Variants in RAB33B observed in about 807,000 individuals in gnomAD.
RAB33B encodes the protein ras-related protein Rab-33B.
Under a neutral mutation model 15.0 loss-of-function variants are expected in RAB33B, and 6 were observed. The ratio of observed to expected loss-of-function variants is 0.40; its 90% CI spans 0.22 to 0.79. RAB33B has a LOEUF of 0.79. Among genes scored for constraint, RAB33B ranks in the 30% least tolerant of loss-of-function variants. RAB33B has a pLI of 0.37. For synonymous variants in RAB33B, 117 were observed against 108.3 expected (o/e 1.08, Z -0.50); for missense variants, 257 against 296.4 (o/e 0.87, Z 0.98).
intron 1 of RAB33B, among the ~76,000 whole-genome samples, chr4:139,461,498 G>C (rs1750170161): frequency 6.6e-6 from 1 of 152,114 alleles, no homozygotes; most frequent in South Asian, 2.1e-4. Flanking sequence ...TTAAATAAGG[G>C]CATGTAAAGG....
At chr4:139,460,115 G>A (rs1219596546) in intron 1 of RAB33B, among the ~76,000 whole-genome samples, 2 of 152,202 alleles carry the variant, frequency 1.3e-5, no homozygotes, top group East Asian at 3.8e-4. Flanking sequence ...TGTTGGTGAT[G>A]AGAAAGAAGA....
chr4:139,449,738 A>C (rs970981550), upstream of RAB33B: 8 of 150,784 alleles, frequency 5.3e-5, no homozygotes, highest in African/African-American at 1.7e-4. Context: ...ATGTGAGTTA[A>C]TACTACTTAA....
At chr4:139,438,596 C>CTT in the RAB33B span, among the ~76,000 whole-genome samples, 5 of 148,782 alleles carry the variant, frequency 3.4e-5, no homozygotes, top group African/African-American at 1.2e-4. Flanking sequence ...AATCATCTGC[C>CTT]TTTTTTTTTT....
rs1561008517 is a variant in RAB33B, at chr4:139,473,068, CT to C, written c.633del (p.Asp212IlefsTer6). 2.5e-6 allele frequency: 4 copies of C among 1,613,924 alleles called. No individual in the cohort carries two copies. The highest frequency in any genetic ancestry group is 3.3e-5 in the Admixed American group (2 of 60,002). On this transcript the variant is annotated frameshift_variant, in exon 2 of 2. Transcript: ENST00000305626. LOFTEE classifies it high-confidence loss of function. ...SHKPLMLSQP[P>X]DNGIILKPEP... ...AAACCATTAATGCTTAGTCAGCCCC[CT>C]GATAATGGAATTATCCTGAAGCCTG...
At chr4:139,471,789 G>A (rs759650613) in intron 1 of RAB33B, among the ~76,000 whole-genome samples, 15 of 151,928 alleles carry the variant, frequency 9.9e-5, no homozygotes, top group Non-Finnish European at 2.1e-4. Flanking sequence ...TTTACTTTAG[G>A]TATCGTATCT....
chr4:139,446,115 A>T, the RAB33B span, among the ~76,000 whole-genome samples: 1 of 152,210 alleles, frequency 6.6e-6, no homozygotes, highest in African/African-American at 2.4e-5. Context: ...AGGCTCGAGC[A>T]GGTCCTGAAG....
At chr4:139,470,568 C>A (rs1750369611) in intron 1 of RAB33B, among the ~76,000 whole-genome samples, 1 of 152,098 alleles carries the variant, frequency 6.6e-6, no homozygotes, top group South Asian at 2.1e-4. Context: ...AAGACAGAGT[C>A]CCCTTTACTT....
rs904902410 is a variant in RAB33B at position 139,474,063 on chromosome 4, C to G, written c.*937C>G. 4.0e-5 allele frequency: 6 copies of G among 151,898 alleles called. No homozygotes were observed. Among genetic ancestry groups the G allele is most frequent in the Non-Finnish European group, 8.8e-5 (6 of 67,994 alleles). 9.4% of individuals were successfully genotyped at this position (151,898 alleles called of 1,614,324 possible). On this transcript the variant is annotated 3_prime_UTR_variant, in exon 2 of 2. Coordinates refer to ENST00000305626, the MANE Select transcript of RAB33B (RefSeq NM_031296.3). Reference sequence around the variant, plus strand: ...GGGATTACAGGCGTGCACTACCACACCCAGCTGATTTTTGTATTTTTAGTA... The same window carrying G: ...GGGATTACAGGCGTGCACTACCACAGCCAGCTGATTTTTGTATTTTTAGTA...
the RAB33B span, among the ~76,000 whole-genome samples, chr4:139,443,283 C>T: frequency 1.3e-5 from 2 of 152,206 alleles, no homozygotes; most frequent in African/African-American, 2.4e-5. Context: ...TGAGCCACCG[C>T]GCCCGGCCTG....
the RAB33B span, among the ~76,000 whole-genome samples, chr4:139,442,717 G>A: frequency 6.6e-6 from 1 of 152,146 alleles, no homozygotes; most frequent in Non-Finnish European, 1.5e-5. Context: ...CTTGCAGCTT[G>A]CAGATGGCCT....
Position 139,472,675 on chromosome 4 carries a change from C to T in RAB33B, c.250-11C>T, listed in dbSNP as rs956646714. The T allele has an allele frequency of 6.4e-7, 1 of 1,561,980 alleles. No individual in the cohort carries two copies. The highest frequency in any genetic ancestry group is 8.7e-7 in the Non-Finnish European group (1 of 1,151,834). On this transcript the variant is annotated splice_polypyrimidine_tract_variant and intron_variant, in intron 1 of 1. Transcript: ENST00000305626. ...GATTTTCAGTTTTCCTCTTTTTCTT[C>T]CCATTTTTAGATCCAGCTATGGGAC...
chr4:139,472,161 A>G (rs977093044), intron 1 of RAB33B, among the ~76,000 whole-genome samples: 6 of 152,208 alleles, frequency 3.9e-5, no homozygotes, highest in East Asian at 1.9e-4. Flanking sequence ...TATGTTGAGC[A>G]TTTTTATTCA....
intron 1 of RAB33B, among the ~76,000 whole-genome samples, chr4:139,469,126 A>G (rs891113998): frequency 6.6e-6 from 1 of 152,052 alleles, no homozygotes; most frequent in Admixed American, 6.5e-5. Context: ...AGTTTTCTGT[A>G]TTATCCCTTT....
At chr4:139,467,706 A>T (rs1750316176) in intron 1 of RAB33B, among the ~76,000 whole-genome samples, 1 of 151,822 alleles carries the variant, frequency 6.6e-6, no homozygotes, top group Admixed American at 6.6e-5. Flanking sequence ...AAAAATAAAC[A>T]AATTAGCCGG....
At chr4:139,438,853 CAAGTT>C in the RAB33B span, among the ~76,000 whole-genome samples, 1 of 152,122 alleles carries the variant, frequency 6.6e-6, no homozygotes, top group Non-Finnish European at 1.5e-5. Context: ...TTTCTTTATA[CAAGTT>C]CAGTTACTGT....
the RAB33B span, among the ~76,000 whole-genome samples, chr4:139,438,581 C>T: frequency 6.6e-6 from 1 of 150,464 alleles, no homozygotes; most frequent in Non-Finnish European, 1.5e-5. Flanking sequence ...TACCTGCCAA[C>T]CCGGAATCAT....
chr4:139,455,632 T>C (rs1353002712), intron 1 of RAB33B, among the ~76,000 whole-genome samples: 1 of 152,202 alleles, frequency 6.6e-6, no homozygotes, highest in Non-Finnish European at 1.5e-5. Flanking sequence ...GAGCTCTCAG[T>C]GGTGGTTTTG....
the RAB33B span, among the ~76,000 whole-genome samples, chr4:139,446,516 G>A: frequency 5.3e-5 from 8 of 152,230 alleles, no homozygotes; most frequent in African/African-American, 1.7e-4. Flanking sequence ...CATGGAAGAA[G>A]CATAATTGGA....
At chr4:139,465,359 A>T (rs1750263873) in intron 1 of RAB33B, among the ~76,000 whole-genome samples, 1 of 152,164 alleles carries the variant, frequency 6.6e-6, no homozygotes, top group South Asian at 2.1e-4. Flanking sequence ...CTCTGATGGT[A>T]GTTTGTTTTG....
Sources: allele counts gnomAD v4.1 joint callset (sites outside exome capture counted in the v4.1 genomes callset), GRCh38; gene constraint gnomAD v4.1.1; transcripts MANE v1.5; gene names NCBI Gene and HGNC (gene_info 2026-07-23, HGNC 2026-07-21).